Variants in PTPRN2 observed in about 807,000 individuals in gnomAD.
PTPRN2 encodes the protein protein tyrosine phosphatase receptor type N2.
Under a neutral mutation model 118.8 loss-of-function variants are expected in PTPRN2, and 74 were observed. The observed-to-expected ratio is 0.62, with a 90% CI of 0.52 to 0.76. The LOEUF (loss-of-function observed/expected upper bound fraction) is 0.76. Ranked by LOEUF, PTPRN2 falls within the 30% of genes least tolerant of loss-of-function variation. PTPRN2 has a pLI of 0.00. For missense variants in PTPRN2, 1,481 were observed against 1,394.4 expected, an observed-to-expected ratio of 1.06 and a Z score of -0.99; for synonymous variants, 641 against 608.0, an observed-to-expected ratio of 1.05 and a Z score of -0.80.
At chr7:158,543,987 C>T (rs373626968) in intron 1 of PTPRN2, among the ~76,000 whole-genome samples, 1 of 152,234 alleles carries the variant, frequency 6.6e-6, no homozygotes, top group Non-Finnish European at 1.5e-5. Flanking sequence ...GGTCCAAAAA[C>T]CAGGGCAGCC....
At position 158,527,758 on chromosome 7, in the gene PTPRN2, C is replaced by G. The variant is rs142162637; in HGVS notation, c.113-37973G>C. On this transcript the variant is annotated intron_variant, in intron 1 of 22. Coordinates refer to ENST00000389418, the MANE Select transcript of PTPRN2 (RefSeq NM_002847.5). Reference sequence around the variant, plus strand: ...TGACCTCTGCAGAGAGTAGAATTGTCTGTGTACATGGGGCTGGGGCCAGGC... The same window carrying G: ...TGACCTCTGCAGAGAGTAGAATTGTGTGTGTACATGGGGCTGGGGCCAGGC... 1.2e-3 allele frequency among the ~76,000 whole-genome samples: 181 copies of G among 152,272 alleles called. 1 individual carries two copies. Among genetic ancestry groups the G allele is most frequent in the African/African-American group, 4.2e-3 (174 of 41,544 alleles).
chr7:157,683,933 C>T (rs1343038670), intron 12 of PTPRN2, among the ~76,000 whole-genome samples: 1 of 152,172 alleles, frequency 6.6e-6, no homozygotes, highest in Non-Finnish European at 1.5e-5. Flanking sequence ...AAACCCCTTT[C>T]CACCACCTAA....
intron 12 of PTPRN2, among the ~76,000 whole-genome samples, chr7:157,858,056 A>C (rs1809868603): frequency 7.1e-6 from 1 of 140,824 alleles, no homozygotes; most frequent in African/African-American, 2.6e-5. Context: ...CCCAGCTACC[A>C]CCCACACTCC....
At chr7:158,027,706 G>A (rs186339982) in intron 11 of PTPRN2, 3 of 152,372 alleles carry the variant, frequency 2.0e-5, no homozygotes, top group Admixed American at 6.5e-5. Context: ...GATTGAGAAA[G>A]CAAGACAGAG....
chr7:158,236,687 C>T (rs149177999), intron 3 of PTPRN2, among the ~76,000 whole-genome samples: 382 of 152,318 alleles, frequency 2.5e-3, no homozygotes, highest in African/African-American at 8.3e-3. Context: ...CCCAGTTACC[C>T]GGTGCAACCT....
intron 11 of PTPRN2, among the ~76,000 whole-genome samples, chr7:158,068,725 G>C (rs1280890233): frequency 6.6e-6 from 1 of 152,126 alleles, no homozygotes; most frequent in Non-Finnish European, 1.5e-5. Context: ...ATGTCATTTT[G>C]GTCGGTCAAG....
chr7:157,568,763 C>T, intron 21 of PTPRN2, 139 bp downstream of exon 21: 4 of 813,952 alleles, frequency 4.9e-6, no homozygotes, highest in Non-Finnish European at 2.0e-6. Flanking sequence ...TTGCTGCAAA[C>T]CACCTTCCTA....
chr7:158,103,790 T>C (rs574731896), intron 10 of PTPRN2, among the ~76,000 whole-genome samples: 1 of 152,214 alleles, frequency 6.6e-6, no homozygotes, highest in African/African-American at 2.4e-5. Flanking sequence ...GCCCATGAAG[T>C]CAGATCATCC....
chr7:158,040,049 C>G (rs1158595971), intron 11 of PTPRN2, among the ~76,000 whole-genome samples: 3 of 150,158 alleles, frequency 2.0e-5, no homozygotes, highest in Non-Finnish European at 4.4e-5. Flanking sequence ...ATAAAAACTC[C>G]CCAAGACAAA....
chr7:158,377,299 G>A (rs1401799117), intron 2 of PTPRN2, among the ~76,000 whole-genome samples: 1 of 152,286 alleles, frequency 6.6e-6, no homozygotes. Flanking sequence ...GCGGGGTCAG[G>A]GGATGCTCCT....
At chr7:157,829,928 T>G (rs1807443648) in intron 12 of PTPRN2, among the ~76,000 whole-genome samples, 1 of 152,228 alleles carries the variant, frequency 6.6e-6, no homozygotes, top group African/African-American at 2.4e-5. Flanking sequence ...CAGTGGCAGC[T>G]CCACCTGTCT....
intron 12 of PTPRN2, among the ~76,000 whole-genome samples, chr7:157,683,681 G>A (rs529179586): frequency 6.6e-6 from 1 of 152,154 alleles, no homozygotes; most frequent in Admixed American, 6.5e-5. Context: ...GAGGGCGGGG[G>A]TAGGGCTGGT....
At chr7:158,303,274 G>A (rs890223553) in intron 3 of PTPRN2, among the ~76,000 whole-genome samples, 8 of 152,068 alleles carry the variant, frequency 5.3e-5, no homozygotes, top group Non-Finnish European at 1.0e-4. Flanking sequence ...CTGCTGCTGG[G>A]AGTTTGGAAT....
chr7:157,859,840 A>G (rs1368818542), intron 12 of PTPRN2, among the ~76,000 whole-genome samples: 1 of 121,350 alleles, frequency 8.2e-6, no homozygotes, highest in Non-Finnish European at 1.8e-5. Context: ...TCCTGCAGGG[A>G]GAGCCCCAGC....
chr7:158,258,873 T>C (rs558718493), intron 3 of PTPRN2, among the ~76,000 whole-genome samples: 1 of 152,328 alleles, frequency 6.6e-6, no homozygotes, highest in East Asian at 1.9e-4. Context: ...ACGCGAGGTC[T>C]GTCCACGAGG....
chr7:157,952,351 A>G lies in PTPRN2; in HGVS notation c.1724-53614T>C, dbSNP rs553638053. 5.7e-3 allele frequency among the ~76,000 whole-genome samples: 646 copies of G among 112,570 alleles called. 7 individuals are homozygous for G. The highest frequency in any genetic ancestry group is 0.015 in the African/African-American group (449 of 29,178). 73.9% of individuals were successfully genotyped at this position (112,570 alleles called of 152,430 possible). A position where few individuals can be genotyped will look rare whatever the true frequency, so the allele number is the denominator to read the frequency against. On this transcript the variant is annotated intron_variant, in intron 11 of 22. Transcript: ENST00000389418. ...GCCTGAGACAGGGTGGGGGACACGA[A>G]GGGAGACAGGCGAGGGTGGGACAGG...
chr7:157,694,769 CT>C (rs71303916), intron 12 of PTPRN2, among the ~76,000 whole-genome samples: 22 of 147,114 alleles, frequency 1.5e-4, no homozygotes, highest in South Asian at 4.3e-4. Flanking sequence ...TTTCTTTTTT[CT>C]TTTTTTTTTG....
chr7:158,190,908 C>T (rs893977130), intron 5 of PTPRN2, among the ~76,000 whole-genome samples: 7 of 152,264 alleles, frequency 4.6e-5, no homozygotes, highest in South Asian at 2.1e-4. Flanking sequence ...GAGCTGCCCT[C>T]GGAAAGGCTC....
chr7:157,982,690 G>C (rs1367130497), intron 11 of PTPRN2, among the ~76,000 whole-genome samples: 1 of 132,832 alleles, frequency 7.5e-6, no homozygotes. Flanking sequence ...CACAGAGATG[G>C]AGGGGAATGC....
Sources: allele counts gnomAD v4.1 joint callset (sites outside exome capture counted in the v4.1 genomes callset), GRCh38; gene constraint gnomAD v4.1.1; transcripts MANE v1.5; gene names NCBI Gene and HGNC (gene_info 2026-07-23, HGNC 2026-07-21).